The following SRPK2 variants were observed in gnomAD, a reference collection of about 807,000 sequenced individuals.
SRPK2 encodes the protein SFRS protein kinase 2.
SRPK2 carries 21 observed loss-of-function variants against 90.8 expected under a neutral mutation model. The observed-to-expected ratio is 0.23, with a 90% CI of 0.16 to 0.33. The LOEUF (loss-of-function observed/expected upper bound fraction) is 0.33, where lower values mean the gene tolerates loss of function less well. Among genes scored for constraint, SRPK2 ranks in the 10% least tolerant of loss-of-function variants. The pLI, the probability that SRPK2 is intolerant of heterozygous loss-of-function variation, is 1.00. For missense variants in SRPK2, 620 were observed against 869.0 expected (o/e 0.71, Z 3.60); for synonymous variants, 288 against 311.1 (o/e 0.93, Z 0.78).
At chr7:105,259,434 A>G (rs1244061497) in intron 2 of SRPK2, among the ~76,000 whole-genome samples, 1 of 152,230 alleles carries the variant, frequency 6.6e-6, no homozygotes, top group South Asian at 2.1e-4. Context: ...GGAAGAATCA[A>G]TATCGTGAAA....
chr7:105,128,353 T>C (rs1801502252), intron 13 of SRPK2, among the ~76,000 whole-genome samples: 1 of 152,178 alleles, frequency 6.6e-6, no homozygotes, highest in Non-Finnish European at 1.5e-5. Context: ...GTCCCAGCAC[T>C]GTGGATGCAC....
intron 2 of SRPK2, among the ~76,000 whole-genome samples, chr7:105,265,587 A>G (rs1419793496): frequency 1.3e-5 from 2 of 152,150 alleles, no homozygotes; most frequent in South Asian, 4.1e-4. Context: ...TCTAGCTAAG[A>G]AAGGGCAAAA....
At chr7:105,350,128 ATTT>A (rs749102424) in intron 2 of SRPK2, among the ~76,000 whole-genome samples, 2 of 133,588 alleles carry the variant, frequency 1.5e-5, no homozygotes, top group African/African-American at 5.4e-5. Context: ...AGTTGCTATA[ATTT>A]TTTTTTTTTT....
At chr7:105,195,827 T>C (rs767340283) in intron 3 of SRPK2, among the ~76,000 whole-genome samples, 1 of 152,220 alleles carries the variant, frequency 6.6e-6, no homozygotes, top group African/African-American at 2.4e-5. Context: ...GAGCAGTCTA[T>C]TCATTCAGTC....
At chr7:105,331,163 G>A (rs1814273506) in intron 2 of SRPK2, among the ~76,000 whole-genome samples, 1 of 151,670 alleles carries the variant, frequency 6.6e-6, no homozygotes, top group Admixed American at 6.6e-5. Flanking sequence ...TAAAAGATTA[G>A]CTGGGTGTGG....
chr7:105,226,316 C>G (rs1370341524), intron 2 of SRPK2, among the ~76,000 whole-genome samples: 2 of 151,816 alleles, frequency 1.3e-5, no homozygotes, highest in Admixed American at 6.6e-5. Context: ...AACAGAGTCT[C>G]ACTCACTCTA....
chr7:105,182,726 C>A (rs1793044515), intron 3 of SRPK2, among the ~76,000 whole-genome samples: 1 of 152,156 alleles, frequency 6.6e-6, no homozygotes, highest in Non-Finnish European at 1.5e-5. Context: ...CCTTGGCCTC[C>A]CAAAGTGCTG....
intron 2 of SRPK2, among the ~76,000 whole-genome samples, chr7:105,243,868 C>T (rs533109753): frequency 7.2e-5 from 11 of 152,244 alleles, no homozygotes; most frequent in African/African-American, 2.6e-4. Flanking sequence ...TTTACCAGTC[C>T]AATCCAGAGA....
At chr7:105,219,845 G>A (rs1465690955) in intron 2 of SRPK2, among the ~76,000 whole-genome samples, 4 of 152,178 alleles carry the variant, frequency 2.6e-5, no homozygotes, top group South Asian at 2.1e-4. Flanking sequence ...TGTAGGTACC[G>A]TGTGAAAGCA....
intron 2 of SRPK2, among the ~76,000 whole-genome samples, chr7:105,298,456 G>C (rs988178825): frequency 6.6e-6 from 1 of 152,024 alleles, no homozygotes; most frequent in Non-Finnish European, 1.5e-5. Context: ...GTTACATATA[G>C]GTTTTTTTTC....
chr7:105,126,791 C>A (rs546621716), intron 14 of SRPK2, among the ~76,000 whole-genome samples: 2 of 152,158 alleles, frequency 1.3e-5, no homozygotes, highest in Admixed American at 1.3e-4. Context: ...CCTGAGGGCT[C>A]GCTGGAGTGC....
At chr7:105,370,259 C>T (rs1269027852) in intron 2 of SRPK2, among the ~76,000 whole-genome samples, 1 of 152,102 alleles carries the variant, frequency 6.6e-6, no homozygotes, top group Non-Finnish European at 1.5e-5. Flanking sequence ...ATGTTTATTC[C>T]TAGCTTACAG....
At chr7:105,255,176 A>G (rs568376264) in intron 2 of SRPK2, among the ~76,000 whole-genome samples, 1 of 150,998 alleles carries the variant, frequency 6.6e-6, no homozygotes, top group East Asian at 1.9e-4. Flanking sequence ...AGTTAGAGGA[A>G]AAGGTTTGGT....
intron 13 of SRPK2, among the ~76,000 whole-genome samples, chr7:105,129,107 G>A (rs1159760292): frequency 9.9e-5 from 15 of 151,894 alleles, no homozygotes; most frequent in African/African-American, 2.2e-4. Context: ...GACTACAGGC[G>A]CCCGCCACCA....
intron 2 of SRPK2, among the ~76,000 whole-genome samples, chr7:105,246,836 T>C (rs1460185303): frequency 6.6e-6 from 1 of 152,240 alleles, no homozygotes; most frequent in South Asian, 2.1e-4. Flanking sequence ...AATCTTTCAC[T>C]TTCCCTGAAC....
At chr7:105,193,523 T>C (rs1227332890) in intron 3 of SRPK2, among the ~76,000 whole-genome samples, 1 of 152,212 alleles carries the variant, frequency 6.6e-6, no homozygotes, top group African/African-American at 2.4e-5. Context: ...CAGACTCTTT[T>C]TCGGTTCCAT....
intron 7 of SRPK2, among the ~76,000 whole-genome samples, chr7:105,146,884 G>A (rs1804702211): frequency 6.6e-6 from 1 of 152,120 alleles, no homozygotes; most frequent in South Asian, 2.1e-4. Context: ...GCTCGTGGAA[G>A]CAAATGCATC....
chr7:105,298,231 C>G (rs557413746), intron 2 of SRPK2, among the ~76,000 whole-genome samples: 6 of 152,310 alleles, frequency 3.9e-5, no homozygotes, highest in Non-Finnish European at 8.8e-5. Flanking sequence ...TTCCCAGAGT[C>G]TGTATGCTTT....
chr7:105,289,041 G>A (rs368708100), intron 2 of SRPK2, among the ~76,000 whole-genome samples: 3 of 150,144 alleles, frequency 2.0e-5, no homozygotes, highest in African/African-American at 7.4e-5. Context: ...CAGATCACAA[G>A]GTCAGGAGAT....
Sources: allele counts gnomAD v4.1 joint callset (sites outside exome capture counted in the v4.1 genomes callset), GRCh38; gene constraint gnomAD v4.1.1; transcripts MANE v1.5; gene names NCBI Gene and HGNC (gene_info 2026-07-23, HGNC 2026-07-21).